The following FEZ2 variants were observed in gnomAD, a reference collection of about 807,000 sequenced individuals.
FEZ2 encodes the protein fasciculation and elongation protein zeta 2.
FEZ2 carries 51 observed loss-of-function variants against 40.4 expected under a neutral mutation model. That is an observed-to-expected ratio of 1.26 (90% CI 1.01 to 1.59). The LOEUF (loss-of-function observed/expected upper bound fraction) is 1.59. FEZ2 is among the 40% of genes most tolerant of loss of function. FEZ2 has a pLI of 0.00. For synonymous variants in FEZ2, 242 were observed against 172.0 expected, an observed-to-expected ratio of 1.41 and a Z score of -3.18; for missense variants, 640 against 438.3, an observed-to-expected ratio of 1.46 and a Z score of -4.11.
chr2:36,577,503 C>G (rs1234988721), intron 5 of FEZ2, among the ~76,000 whole-genome samples: 1 of 152,206 alleles, frequency 6.6e-6, no homozygotes, highest in Non-Finnish European at 1.5e-5. Flanking sequence ...ATCAGCCCAC[C>G]TCGGCCTCCC....
Position 36,553,118 on chromosome 2 carries a change from T to A in FEZ2, c.*45A>T, listed in dbSNP as rs772683211. The A allele has an allele frequency of 4.5e-5, 69 of 1,527,944 alleles. 1 individual carries two copies. The highest frequency in any genetic ancestry group is 1.7e-4 in the Middle Eastern group (1 of 5,932). 94.6% of individuals were successfully genotyped at this position (1,527,944 alleles called of 1,614,324 possible). A position where few individuals can be genotyped will look rare whatever the true frequency, so the allele number is the denominator to read the frequency against. On this transcript the variant is annotated 3_prime_UTR_variant, in exon 8 of 8. Coordinates refer to ENST00000405912, the MANE Select transcript of FEZ2 (RefSeq NM_005102.3). ...TGGTAGCCAGCTCTCAGAATAATGC[T>A]GTCGGAAATCTAGCTTGGAGCCCAC... is the stretch of plus-strand genomic sequence containing the variant.
chr2:36,584,878 A>G (rs1471017692), intron 2 of FEZ2, among the ~76,000 whole-genome samples: 1 of 152,216 alleles, frequency 6.6e-6, no homozygotes, highest in Non-Finnish European at 1.5e-5. Context: ...GCACTGGCAC[A>G]CTGACTTTCC....
At chr2:36,573,927 G>C (rs1668491673) in intron 5 of FEZ2, among the ~76,000 whole-genome samples, 1 of 152,184 alleles carries the variant, frequency 6.6e-6, no homozygotes, top group South Asian at 2.1e-4. Context: ...AATTTGAAAA[G>C]CTGGTCATTT....
At chr2:36,565,062 T>C (rs1668198450) in intron 5 of FEZ2, among the ~76,000 whole-genome samples, 1 of 152,224 alleles carries the variant, frequency 6.6e-6, no homozygotes, top group Non-Finnish European at 1.5e-5. Context: ...GCACATGTGC[T>C]TTATCTATGT....
Position 36,593,944 on chromosome 2 carries a change from C to T in FEZ2, c.267-2933G>A, listed in dbSNP as rs11678218. Among the ~76,000 whole-genome samples, 5 of 151,820 alleles carry T rather than the reference C, an allele frequency of 3.3e-5. No homozygotes were observed. In the South Asian group the frequency reaches 8.3e-4, roughly 25 times the overall value. On this transcript the variant is annotated intron_variant, in intron 1 of 7. Coordinates refer to ENST00000405912, the MANE Select transcript of FEZ2 (RefSeq NM_005102.3). ...AATACGTTTAATAGCACCCAAGTTACCTCCTGAATGCTTTACTGCTTAGAA... is the reference window on the plus strand; with the variant it reads ...AATACGTTTAATAGCACCCAAGTTATCTCCTGAATGCTTTACTGCTTAGAA...
intron 2 of FEZ2, among the ~76,000 whole-genome samples, chr2:36,588,418 T>C (rs1393868444): frequency 1.3e-5 from 2 of 152,044 alleles, no homozygotes; most frequent in African/African-American, 2.4e-5. Context: ...GCATTGAAAA[T>C]AACATTCAAA....
At chr2:36,564,033 C>G (rs1029348736) in intron 5 of FEZ2, among the ~76,000 whole-genome samples, 2 of 152,184 alleles carry the variant, frequency 1.3e-5, no homozygotes, top group Non-Finnish European at 2.9e-5. Flanking sequence ...TCATGCACCC[C>G]CTCTGGGTAT....
chr2:36,571,331 AATT>A (rs1394285631), intron 5 of FEZ2, among the ~76,000 whole-genome samples: 4 of 152,200 alleles, frequency 2.6e-5, no homozygotes, highest in Non-Finnish European at 4.4e-5. Context: ...ATCACCAACA[AATT>A]ATTGTTAAAA....
chr2:36,595,424 G>A (rs147117735), intron 1 of FEZ2, among the ~76,000 whole-genome samples: 27 of 152,140 alleles, frequency 1.8e-4, no homozygotes, highest in South Asian at 1.2e-3. Context: ...ACCCTCACTT[G>A]TGCAGTTCAC....
intron 2 of FEZ2, among the ~76,000 whole-genome samples, chr2:36,586,851 C>G (rs978140757): frequency 6.6e-6 from 1 of 151,650 alleles, no homozygotes; most frequent in African/African-American, 2.4e-5. Flanking sequence ...GAAGCTGGAG[C>G]GGGAAGATCG....
At position 36,565,078 on chromosome 2, in the gene FEZ2, C is replaced by A. The variant is rs1227695972; in HGVS notation, c.904-6565G>T. ...CACATGTGCTTTATCTATGTTTGCC[C>A]TCGTCAACAATCAATGACCTGACCC... On this transcript the variant is annotated intron_variant, in intron 5 of 7. Transcript: ENST00000405912. Among the ~76,000 whole-genome samples the A allele has an allele frequency of 4.6e-5, 7 of 152,294 alleles. No homozygotes were observed. In the East Asian group the frequency reaches 1.4e-3, roughly 29 times the overall value.
At chr2:36,581,507 A>G in intron 3 of FEZ2, 76 bp from the exon 4 acceptor site, 3 of 1,337,618 alleles carry the variant, frequency 2.2e-6, no homozygotes, top group Non-Finnish European at 3.2e-6. Context: ...GTGCTCACCT[A>G]AGGCACCCAG....
At chr2:36,576,519 C>G (rs1039267159) in intron 5 of FEZ2, among the ~76,000 whole-genome samples, 1 of 152,212 alleles carries the variant, frequency 6.6e-6, no homozygotes, top group East Asian at 1.9e-4. Flanking sequence ...GATCCGCCCA[C>G]CTTGGCCTCC....
intron 5 of FEZ2, among the ~76,000 whole-genome samples, chr2:36,569,040 T>C (rs982842082): frequency 2.6e-5 from 4 of 152,166 alleles, no homozygotes; most frequent in African/African-American, 9.7e-5. Flanking sequence ...CACCTCTAAA[T>C]AACTCCACAT....
At chr2:36,575,679 T>C (rs1404331122) in intron 5 of FEZ2, among the ~76,000 whole-genome samples, 1 of 152,226 alleles carries the variant, frequency 6.6e-6, no homozygotes, top group East Asian at 1.9e-4. Flanking sequence ...CTAATGAAAT[T>C]TTCCAATGCT....
chr2:36,576,297 C>T (rs9917316), intron 5 of FEZ2, among the ~76,000 whole-genome samples: 65,666 of 151,016 alleles, frequency 0.43, 15,034 homozygotes, highest in East Asian at 0.63. Context: ...TGAGACAGAG[C>T]CTCGTTCTGT....
chr2:36,578,275 T>C (rs1668633351), intron 5 of FEZ2, among the ~76,000 whole-genome samples: 1 of 152,222 alleles, frequency 6.6e-6, no homozygotes, highest in Non-Finnish European at 1.5e-5. Context: ...ACTCTTCACA[T>C]TTTGATGTGG....
intron 5 of FEZ2, among the ~76,000 whole-genome samples, chr2:36,561,049 G>C (rs920801919): frequency 6.6e-6 from 1 of 152,192 alleles, no homozygotes; most frequent in Non-Finnish European, 1.5e-5. Flanking sequence ...CCATTTCTTT[G>C]CAAGTTAAAT....
At chr2:36,562,723 G>C (rs1240418036) in intron 5 of FEZ2, among the ~76,000 whole-genome samples, 1 of 152,116 alleles carries the variant, frequency 6.6e-6, no homozygotes, top group Non-Finnish European at 1.5e-5. Context: ...TTTTTAAGCA[G>C]ATTATCAAAT....
Sources: allele counts gnomAD v4.1 joint callset (sites outside exome capture counted in the v4.1 genomes callset), GRCh38; gene constraint gnomAD v4.1.1; transcripts MANE v1.5; gene names NCBI Gene and HGNC (gene_info 2026-07-23, HGNC 2026-07-21).